MAGI1: variants seen among roughly 807,000 people sequenced by gnomAD.
The protein encoded by MAGI1 is membrane associated guanylate kinase, WW and PDZ domain containing 1, also known as membrane-associated guanylate kinase, WW and PDZ domain-containing protein 1.
A neutral mutation model predicts 139.9 loss-of-function variants in MAGI1; 58 were observed. The ratio of observed to expected loss-of-function variants is 0.41; its 90% CI spans 0.34 to 0.52. MAGI1 has a LOEUF of 0.52. MAGI1 is among the 20% of genes least tolerant of loss of function. MAGI1 has a pLI of 0.12. For missense variants in MAGI1, 1,874 were observed against 1,901.6 expected (o/e 0.99, Z 0.27); for synonymous variants, 812 against 737.9 (o/e 1.10, Z -1.63).
At chr3:65,962,865 A>T (rs2064515775) in intron 1 of MAGI1, among the ~76,000 whole-genome samples, 1 of 150,448 alleles carries the variant, frequency 6.6e-6, no homozygotes, top group African/African-American at 2.4e-5. Flanking sequence ...AAGAAAAAGA[A>T]GAAGAAGAGG....
At chr3:65,443,385 C>T (rs1048543759) in intron 7 of MAGI1, among the ~76,000 whole-genome samples, 1 of 152,214 alleles carries the variant, frequency 6.6e-6, no homozygotes, top group African/African-American at 2.4e-5. Flanking sequence ...TATCTCTGGG[C>T]TGGCCCATCT....
intron 2 of MAGI1, among the ~76,000 whole-genome samples, chr3:65,505,465 G>A (rs2077244528): frequency 6.6e-6 from 1 of 151,162 alleles, no homozygotes; most frequent in Non-Finnish European, 1.5e-5. Flanking sequence ...TGCAAATAGT[G>A]AAACCTTGTC....
intron 6 of MAGI1, among the ~76,000 whole-genome samples, chr3:65,449,485 C>A (rs1948885643): frequency 6.6e-6 from 1 of 152,078 alleles, no homozygotes; most frequent in Admixed American, 6.5e-5. Context: ...AAAATGAACA[C>A]AATCAGGGGC....
chr3:65,378,339 CTT>C (rs1311770713), intron 17 of MAGI1, among the ~76,000 whole-genome samples: 4 of 152,060 alleles, frequency 2.6e-5, no homozygotes, highest in Admixed American at 6.5e-5. Flanking sequence ...TCGAATGACT[CTT>C]AACTCAGATT....
intron 1 of MAGI1, among the ~76,000 whole-genome samples, chr3:65,635,985 T>A (rs1156622957): frequency 6.6e-6 from 1 of 152,174 alleles, no homozygotes; most frequent in Admixed American, 6.5e-5. Flanking sequence ...TTGATGGGTC[T>A]GAAAAAAGTG....
intron 14 of MAGI1, among the ~76,000 whole-genome samples, chr3:65,384,346 AT>A (rs1261118526): frequency 4.6e-5 from 7 of 152,136 alleles, no homozygotes; most frequent in African/African-American, 9.7e-5. Flanking sequence ...ATACGTACAG[AT>A]TTTTTTCTTC....
rs901048451 is a variant in MAGI1, at chr3:65,694,223, T to C, written c.314-72135A>G. Among the ~76,000 whole-genome samples, 6 of 152,172 alleles carry C rather than the reference T, an allele frequency of 3.9e-5. No homozygotes were observed. In the East Asian group the frequency reaches 1.2e-3, roughly 29 times the overall value. On this transcript the variant is annotated intron_variant, in intron 1 of 22. Transcript: ENST00000402939. ...ACACTCAAACTCCTTTAAAAAAGGT[T>C]ATATCTAAGCCATAGCAGCTGTGGT...
At chr3:65,646,593 A>C (rs2085275858) in intron 1 of MAGI1, among the ~76,000 whole-genome samples, 1 of 152,132 alleles carries the variant, frequency 6.6e-6, no homozygotes, top group Admixed American at 6.6e-5. Context: ...CAACAGCAAA[A>C]TGCACATTTT....
chr3:65,905,258 C>A (rs970641481), intron 1 of MAGI1, among the ~76,000 whole-genome samples: 4 of 152,070 alleles, frequency 2.6e-5, no homozygotes, highest in African/African-American at 9.7e-5. Flanking sequence ...CCCAAAGTAT[C>A]AAAAGATAAT....
At chr3:65,999,264 AAAG>A (rs1243406570) in intron 1 of MAGI1, among the ~76,000 whole-genome samples, 1 of 152,128 alleles carries the variant, frequency 6.6e-6, no homozygotes, top group Non-Finnish European at 1.5e-5. Context: ...TGTGTGTTGA[AAAG>A]AAGCCCTTTT....
intron 1 of MAGI1, among the ~76,000 whole-genome samples, chr3:65,889,253 A>G (rs2060647293): frequency 6.6e-6 from 1 of 152,230 alleles, no homozygotes. Context: ...CAAAGAAAGT[A>G]ATCATCTGAT....
chr3:65,453,374 TGAA>T, intron 5 of MAGI1, 34 bp from the exon 6 acceptor site: 1 of 1,395,724 alleles, frequency 7.2e-7, no homozygotes, highest in African/African-American at 1.5e-5. Context: ...GAAATTTGTT[TGAA>T]AAAAAAAAAA....
At chr3:65,803,345 AC>A (rs1157492216) in intron 1 of MAGI1, among the ~76,000 whole-genome samples, 2 of 152,176 alleles carry the variant, frequency 1.3e-5, no homozygotes, top group Admixed American at 6.5e-5. Context: ...TAATTTTAAT[AC>A]ATTTTCCCTC....
At chr3:65,887,750 A>G (rs1239047459) in intron 1 of MAGI1, among the ~76,000 whole-genome samples, 1 of 152,164 alleles carries the variant, frequency 6.6e-6, no homozygotes, top group Non-Finnish European at 1.5e-5. Context: ...TTCATCTTTG[A>G]GCTTCGATCA....
At chr3:65,677,920 C>T (rs754129441) in intron 1 of MAGI1, among the ~76,000 whole-genome samples, 3 of 152,148 alleles carry the variant, frequency 2.0e-5, no homozygotes, top group Admixed American at 6.5e-5. Context: ...TTGGAACCAA[C>T]CCAAATGCCC....
intron 1 of MAGI1, among the ~76,000 whole-genome samples, chr3:65,833,658 G>T (rs2042650248): frequency 6.6e-6 from 1 of 152,140 alleles, no homozygotes; most frequent in Non-Finnish European, 1.5e-5. Flanking sequence ...TTAAATTCCA[G>T]GCTTTATGAG....
At chr3:65,916,972 C>A (rs189440149) in intron 1 of MAGI1, among the ~76,000 whole-genome samples, 10 of 152,220 alleles carry the variant, frequency 6.6e-5, no homozygotes, top group Admixed American at 6.5e-4. Context: ...TTAACTTTGA[C>A]TTCTTTAAAA....
At chr3:65,401,943 G>A in intron 12 of MAGI1, 1 of 976,932 alleles carries the variant, frequency 1.0e-6, no homozygotes. Context: ...AAATTTTTTT[G>A]GTCTTTTCTT....
chr3:65,530,880 A>C (rs2107847063), intron 2 of MAGI1, among the ~76,000 whole-genome samples: 1 of 142,858 alleles, frequency 7.0e-6, no homozygotes, highest in South Asian at 2.3e-4. Flanking sequence ...GAGAGAGAGA[A>C]AGAGGAGGGG....
Sources: gnomAD v4.1 joint callset for allele counts (sites outside exome capture counted in the v4.1 genomes callset) on GRCh38, gnomAD v4.1.1 for gene constraint, MANE v1.5 for transcripts, NCBI Gene and HGNC (gene_info 2026-07-23, HGNC 2026-07-21) for gene names.